Variants in EPHB2 observed in about 807,000 individuals in gnomAD.
EPHB2 encodes the protein EPH receptor B2, also known as ephrin type-B receptor 2.
In EPHB2, 18 loss-of-function variants were observed where a neutral mutation model predicts 96.4. The ratio of observed to expected loss-of-function variants is 0.19; its 90% CI spans 0.13 to 0.28. EPHB2 has a LOEUF of 0.28. EPHB2 is among the 10% of genes least tolerant of loss of function. The pLI is 1.00. For missense variants in EPHB2, 989 were observed against 1,355.4 expected (o/e 0.73, Z 4.25); for synonymous variants, 506 against 534.1 (o/e 0.95, Z 0.72).
chr1:22,877,176 G>T (rs1300454209), intron 5 of EPHB2, among the ~76,000 whole-genome samples: 13 of 152,256 alleles, frequency 8.5e-5, no homozygotes, highest in Admixed American at 8.5e-4. Flanking sequence ...GGAGGGGAAA[G>T]GATGTGTTGG....
chr1:22,732,290 G>A (rs969641943), intron 1 of EPHB2, among the ~76,000 whole-genome samples: 3 of 151,704 alleles, frequency 2.0e-5, no homozygotes, highest in Non-Finnish European at 4.4e-5. Context: ...AGGAGTGGGA[G>A]CCAAGAGCTG....
chr1:22,867,733 G>A (rs1460794944), intron 5 of EPHB2, among the ~76,000 whole-genome samples: 5 of 152,144 alleles, frequency 3.3e-5, no homozygotes, highest in East Asian at 1.9e-4. Flanking sequence ...TTAGCCAGGC[G>A]TGGTGGTGAG....
chr1:22,747,835 G>A (rs1643998774), intron 1 of EPHB2, among the ~76,000 whole-genome samples: 1 of 152,224 alleles, frequency 6.6e-6, no homozygotes, highest in East Asian at 1.9e-4. Flanking sequence ...CAATGAAGTT[G>A]GGTGGCCCCA....
chr1:22,895,359 G>T, intron 7 of EPHB2, 113 bp from the exon 8 acceptor site: 1 of 952,952 alleles, frequency 1.0e-6, no homozygotes. Context: ...GTCAGGGGCA[G>T]GAACAGAGTC....
At position 22,921,245 on chromosome 1, in the gene EPHB2, G is replaced by A. The variant is rs1440064659; in HGVS notation, c.*7675G>A. 6.6e-6 allele frequency: 1 copy of A among 152,190 alleles called. No homozygotes were observed. The highest frequency in any genetic ancestry group is 1.5e-5 in the Non-Finnish European group (1 of 68,046). 9.4% of individuals were successfully genotyped at this position (152,190 alleles called of 1,614,324 possible). On this transcript the variant is annotated 3_prime_UTR_variant, in exon 16 of 16. Transcript: ENST00000374630. ...AACCAGGGTATGGGGCTGTCTGGCA[G>A]GGTTTCCCAGAACCCTGTTTCCTGT...
At position 22,916,082 on chromosome 1, in the gene EPHB2, A is replaced by G. The variant is rs1480214212; in HGVS notation, c.*2512A>G. On this transcript the variant is annotated 3_prime_UTR_variant, in exon 16 of 16. Transcript: ENST00000374630. The surrounding 1 kb of genome is among the most constrained non-coding windows in gnomAD (Gnocchi z 4.2). Reference sequence around the variant, plus strand: ...CAGGGAAAGCATTGGCAGGTTTCCCACAAACTGGCCGGCAGTGGCCCACTG... The same window carrying G: ...CAGGGAAAGCATTGGCAGGTTTCCCGCAAACTGGCCGGCAGTGGCCCACTG... 1 of 152,292 alleles carries G rather than the reference A, an allele frequency of 6.6e-6. No homozygotes were observed. The highest frequency in any genetic ancestry group is 1.5e-5 in the Non-Finnish European group (1 of 68,076). The allele number at this position is 152,292 out of a possible 1,614,324, so 9.4% of individuals were successfully genotyped here.
At chr1:22,728,411 C>T (rs1643631004) in intron 1 of EPHB2, among the ~76,000 whole-genome samples, 1 of 152,230 alleles carries the variant, frequency 6.6e-6, no homozygotes, top group Non-Finnish European at 1.5e-5. Context: ...AGAGATTACA[C>T]ATGACTTACT....
Position 22,906,914 on chromosome 1 carries a change from T to C in EPHB2, c.2093T>C (p.Ile698Thr). The part of the protein sequence containing the change: ...VVTKSTPVMI[I>T]TEFMENGSLD... ...ACCAAGAGCACACCTGTGATGATCA[T>C]CACCGAGTTCATGGAGAATGGCTCC... The change falls in exon 11 of 16, where the codon ATC becomes ACC. Residue 698 changes from isoleucine to threonine, a missense_variant. Physicochemically the swap from Ile to Thr is moderately conservative, Grantham distance 89. Transcript: ENST00000374630. The surrounding 1 kb of genome is among the most constrained non-coding windows in gnomAD (Gnocchi z 4.8). 2 of 1,613,652 alleles carry C rather than the reference T, an allele frequency of 1.2e-6. No homozygotes were observed. The highest frequency in any genetic ancestry group is 1.7e-6 in the Non-Finnish European group (2 of 1,179,614).
At position 22,733,716 on chromosome 1, in the gene EPHB2, G is replaced by A. The variant is rs1374978435; in HGVS notation, c.61+22673G>A. Among the ~76,000 whole-genome samples, 13 of 152,316 alleles carry A rather than the reference G, an allele frequency of 8.5e-5. No individual in the cohort carries two copies. The highest frequency in any genetic ancestry group is 3.4e-3 in the Middle Eastern group (1 of 294). On this transcript the variant is annotated intron_variant, in intron 1 of 15. Coordinates refer to ENST00000374630, the MANE Select transcript of EPHB2 (RefSeq NM_017449.5). This position sits in a 1 kb window ranked among gnomAD's most constrained non-coding sequence, Gnocchi z 4.6. ...GGGCGGAAATGGGATTTGAACCCGC[G>A]ATTCTCTAAGTCCAAAGCCCATGCT...
intron 2 of EPHB2, 56 bp downstream of exon 2, chr1:22,781,541 T>G: frequency 1.3e-6 from 2 of 1,577,328 alleles, no homozygotes; most frequent in South Asian, 2.2e-5. Flanking sequence ...CAAGCCCTGC[T>G]GCAGGGCCCG....
chr1:22,881,977 G>C (rs1639061618), intron 5 of EPHB2, among the ~76,000 whole-genome samples: 1 of 152,200 alleles, frequency 6.6e-6, no homozygotes, highest in African/African-American at 2.4e-5. Context: ...ACCTCTGTGA[G>C]AGCACTCACA....
chr1:22,811,072 C>G (rs903311741), intron 3 of EPHB2, among the ~76,000 whole-genome samples: 1 of 152,102 alleles, frequency 6.6e-6, no homozygotes, highest in Admixed American at 6.5e-5. Flanking sequence ...TGGGTAAGTC[C>G]CTTGCCCTCC....
chr1:22,899,367 G>A (rs1639675980), intron 9 of EPHB2, among the ~76,000 whole-genome samples: 1 of 151,696 alleles, frequency 6.6e-6, no homozygotes, highest in Non-Finnish European at 1.5e-5. Context: ...CTGGCGTGGT[G>A]GTGTGTGCCT....
intron 3 of EPHB2, among the ~76,000 whole-genome samples, chr1:22,791,516 A>C (rs976345006): frequency 8.5e-6 from 1 of 117,858 alleles, no homozygotes; most frequent in Non-Finnish European, 1.6e-5. Context: ...GGATCTCACT[A>C]TGTTGTCCAG....
chr1:22,755,897 C>A lies in EPHB2; in HGVS notation c.62-25524C>A, dbSNP rs151116593. Among the ~76,000 whole-genome samples, 761 of 152,236 alleles carry A rather than the reference C, an allele frequency of 5.0e-3. 7 individuals carry two copies. The highest frequency in any genetic ancestry group is 0.018 in the African/African-American group (733 of 41,528). On this transcript the variant is annotated intron_variant, in intron 1 of 15. Coordinates refer to ENST00000374630, the MANE Select transcript of EPHB2 (RefSeq NM_017449.5). ...CCTTATGAAAGGCCAGGCACTGTGC[C>A]TGCAATTTGTGTGGCTCATCTTATG...
intron 5 of EPHB2, among the ~76,000 whole-genome samples, chr1:22,881,651 A>G (rs11585659): frequency 6.6e-6 from 1 of 152,120 alleles, no homozygotes; most frequent in African/African-American, 2.4e-5. Context: ...CTGGAGTGCA[A>G]TGGCATGATC....
chr1:22,850,506 G>C (rs988846525), intron 3 of EPHB2, among the ~76,000 whole-genome samples: 6 of 152,222 alleles, frequency 3.9e-5, no homozygotes, highest in African/African-American at 1.4e-4. Flanking sequence ...TGCGGGAGGG[G>C]CCTGGGCCTG....
intron 1 of EPHB2, among the ~76,000 whole-genome samples, chr1:22,725,678 G>A (rs750944420): frequency 2.6e-5 from 4 of 152,188 alleles, no homozygotes; most frequent in Non-Finnish European, 5.9e-5. Context: ...GGCCCCCAAA[G>A]TGAATTTCTG....
At chr1:22,847,765 C>T (rs190345424) in intron 3 of EPHB2, among the ~76,000 whole-genome samples, 2 of 127,356 alleles carry the variant, frequency 1.6e-5, no homozygotes, top group Admixed American at 1.7e-4. Flanking sequence ...CCCAGATCAA[C>T]TGTCTCACCT....
Sources: allele counts gnomAD v4.1 joint callset (sites outside exome capture counted in the v4.1 genomes callset), GRCh38; gene constraint gnomAD v4.1.1; non-coding constraint Gnocchi (gnomAD v3.1); transcripts MANE v1.5; gene names NCBI Gene and HGNC (gene_info 2026-07-23, HGNC 2026-07-21).